The following DYM variants were observed in gnomAD, a reference collection of about 807,000 sequenced individuals.
The protein encoded by DYM is dyggve-Melchior-Clausen syndrome protein.
Under a neutral mutation model 93.1 loss-of-function variants are expected in DYM, and 78 were observed. The observed-to-expected ratio is 0.84, with a 90% confidence interval of 0.70 to 1.01. The LOEUF is 1.01. Ranked by LOEUF, DYM falls within the 50% of genes least tolerant of loss-of-function variation. The pLI is 0.00. For missense variants in DYM, 789 were observed against 845.0 expected (o/e 0.93, Z 0.82); for synonymous variants, 321 against 319.7 (o/e 1.00, Z -0.04).
At chr18:49,211,585 G>T (rs914103408) in intron 13 of DYM, among the ~76,000 whole-genome samples, 5 of 152,106 alleles carry the variant, frequency 3.3e-5, no homozygotes, top group African/African-American at 7.2e-5. Context: ...TTCCACAAAC[G>T]AACAATCCAT....
chr18:49,423,288 A>G (rs1283182464), intron 2 of DYM, among the ~76,000 whole-genome samples: 3 of 152,222 alleles, frequency 2.0e-5, no homozygotes, highest in Non-Finnish European at 2.9e-5. Context: ...CTGCTCCTGA[A>G]TGACTACTGG....
chr18:49,224,561 G>C (rs1292111148), intron 13 of DYM, among the ~76,000 whole-genome samples: 4 of 152,032 alleles, frequency 2.6e-5, no homozygotes, highest in African/African-American at 9.7e-5. Context: ...GATTAGGTGA[G>C]GTCATGAGGG....
chr18:49,203,144 C>T (rs1318329323), intron 14 of DYM, among the ~76,000 whole-genome samples: 1 of 79,860 alleles, frequency 1.3e-5, no homozygotes, highest in Non-Finnish European at 2.6e-5. Flanking sequence ...AGGAGCCCCT[C>T]TGCCCGGCCA....
chr18:49,181,863 T>C (rs960938925), intron 14 of DYM, among the ~76,000 whole-genome samples: 8 of 152,138 alleles, frequency 5.3e-5, no homozygotes, highest in South Asian at 2.1e-4. Context: ...AATTTGTTGT[T>C]CTTTTTCTAG....
intron 6 of DYM, among the ~76,000 whole-genome samples, chr18:49,355,374 A>C (rs1568306631): frequency 6.7e-6 from 1 of 148,408 alleles, no homozygotes; most frequent in African/African-American, 2.5e-5. Context: ...ATTGATAGAT[A>C]GATGATACAT....
intron 14 of DYM, among the ~76,000 whole-genome samples, chr18:49,198,701 T>C (rs2091722580): frequency 1.3e-5 from 2 of 151,298 alleles, no homozygotes; most frequent in African/African-American, 4.9e-5. Context: ...CCAGTTAGAA[T>C]GGCAATCATT....
intron 5 of DYM, among the ~76,000 whole-genome samples, chr18:49,372,940 A>G (rs1252661105): frequency 6.6e-6 from 1 of 152,084 alleles, no homozygotes; most frequent in Non-Finnish European, 1.5e-5. Context: ...TGGTTGAAAA[A>G]GTGTCATTCT....
chr18:49,107,421 C>T (rs1205946081), intron 16 of DYM, among the ~76,000 whole-genome samples: 1 of 152,222 alleles, frequency 6.6e-6, no homozygotes, highest in Non-Finnish European at 1.5e-5. Flanking sequence ...AAGTCATTCT[C>T]CGTCCAGCTT....
intron 15 of DYM, among the ~76,000 whole-genome samples, chr18:49,150,656 G>C (rs1308900022): frequency 1.3e-5 from 2 of 152,146 alleles, no homozygotes; most frequent in Non-Finnish European, 2.9e-5. Flanking sequence ...ACTAACACAG[G>C]CTTAAAACAT....
At chr18:49,070,094 G>C (rs965521185) in intron 17 of DYM, among the ~76,000 whole-genome samples, 2 of 152,124 alleles carry the variant, frequency 1.3e-5, no homozygotes, top group African/African-American at 4.8e-5. Context: ...GTATGGCTGT[G>C]AGCAAGAGGC....
At chr18:49,431,237 C>G (rs1464240231) in intron 1 of DYM, among the ~76,000 whole-genome samples, 2 of 152,186 alleles carry the variant, frequency 1.3e-5, no homozygotes, top group Non-Finnish European at 2.9e-5. Context: ...ACAAAGGAAT[C>G]ACATTTAATG....
Position 49,377,040 on chromosome 18 carries a change from C to T in DYM, c.421+1527G>A, listed in dbSNP as rs574676887. On this transcript the variant is annotated intron_variant, in intron 5 of 17. Coordinates refer to ENST00000675505, the MANE Select transcript of DYM (RefSeq NM_001353214.3). ...GTCTCAGAGGGAGAAGAGATAAATA[C>T]ACATGGTCACTCTGCTACTTGAGTT... Among the ~76,000 whole-genome samples the T allele has an allele frequency of 3.3e-5, 5 of 152,288 alleles. No individual in the cohort carries two copies. The South Asian group carries it at 1.0e-3, about 32-fold the overall frequency.
intron 13 of DYM, among the ~76,000 whole-genome samples, chr18:49,225,387 T>C (rs2093493382): frequency 6.6e-6 from 1 of 152,070 alleles, no homozygotes. Context: ...CTGAATCTAC[T>C]GCCAGCAACG....
intron 2 of DYM, among the ~76,000 whole-genome samples, chr18:49,421,488 C>T (rs551726269): frequency 2.6e-4 from 39 of 152,272 alleles, no homozygotes; most frequent in African/African-American, 8.9e-4. Context: ...ACACCAAACC[C>T]CATCTGTACG....
intron 14 of DYM, among the ~76,000 whole-genome samples, chr18:49,193,731 C>G (rs895344432): frequency 8.5e-5 from 13 of 152,170 alleles, no homozygotes; most frequent in Admixed American, 2.6e-4. Flanking sequence ...GAAGGGACTC[C>G]AGAGAGACTT....
chr18:49,337,752 T>C (rs1396385177), intron 6 of DYM, among the ~76,000 whole-genome samples: 7 of 151,980 alleles, frequency 4.6e-5, no homozygotes, highest in Non-Finnish European at 8.8e-5. Flanking sequence ...GAATATGAAC[T>C]ATCTGTATTA....
rs559805990 is a variant in DYM, at chr18:49,218,998, T to C, written c.1461-9283A>G. Among the ~76,000 whole-genome samples the C allele has an allele frequency of 5.9e-5, 9 of 152,228 alleles. No individual in the cohort carries two copies. The South Asian group carries it at 1.7e-3, about 28-fold the overall frequency. ...TTTTTGAAAGGATCAACAAAATTGA[T>C]AGACCGCTAGCAAGACTAATAAAGA... On this transcript the variant is annotated intron_variant, in intron 13 of 17. Transcript: ENST00000675505.
intron 17 of DYM, among the ~76,000 whole-genome samples, chr18:49,066,602 A>G (rs1185563603): frequency 6.6e-6 from 1 of 152,224 alleles, no homozygotes; most frequent in Admixed American, 6.5e-5. Context: ...GTGCAAGGGC[A>G]GGCATTTAGG....
At chr18:49,275,678 A>G (rs191344725) in intron 10 of DYM, among the ~76,000 whole-genome samples, 424 of 152,010 alleles carry the variant, frequency 2.8e-3, no homozygotes, top group Non-Finnish European at 5.0e-3. Flanking sequence ...GAAGTTTAAG[A>G]CCAGCCTGGG....
Sources: gnomAD v4.1 joint callset for allele counts (sites outside exome capture counted in the v4.1 genomes callset) on GRCh38, gnomAD v4.1.1 for gene constraint, MANE v1.5 for transcripts, NCBI Gene and HGNC (gene_info 2026-07-23, HGNC 2026-07-21) for gene names.